COLQ: variants seen among roughly 807,000 people sequenced by gnomAD.
COLQ encodes collagen like tail subunit of asymmetric acetylcholinesterase.
A neutral mutation model predicts 69.0 loss-of-function variants in COLQ; 48 were observed. The observed-to-expected ratio is 0.70, with a 90% CI of 0.55 to 0.88. The LOEUF (loss-of-function observed/expected upper bound fraction) is 0.88, where lower values mean the gene tolerates loss of function less well. Ranked by LOEUF, COLQ falls within the 40% of genes least tolerant of loss-of-function variation. COLQ has a pLI of 0.00. For synonymous variants in COLQ, 217 were observed against 211.2 expected (o/e 1.03, Z -0.24); for missense variants, 618 against 594.6 (o/e 1.04, Z -0.41).
At chr3:15,516,203 G>A (rs543145114) in intron 1 of COLQ, among the ~76,000 whole-genome samples, 1 of 152,320 alleles carries the variant, frequency 6.6e-6, no homozygotes, top group African/African-American at 2.4e-5. Flanking sequence ...GAGATGGCTG[G>A]CAAGTGCATT....
intron 3 of COLQ, among the ~76,000 whole-genome samples, chr3:15,486,062 T>A (rs1318866921): frequency 6.6e-6 from 1 of 152,254 alleles, no homozygotes; most frequent in Non-Finnish European, 1.5e-5. Flanking sequence ...AATGTGTAGA[T>A]AAGTTTGAGA....
intron 1 of COLQ, among the ~76,000 whole-genome samples, 176 bp from the exon 2 acceptor site, chr3:15,489,813 CTTGCCT>C (rs1253870599): frequency 5.9e-5 from 9 of 152,192 alleles, no homozygotes; most frequent in Non-Finnish European, 8.8e-5. Flanking sequence ...TTCCCTTGCC[CTTGCCT>C]TTGCTAGATT....
At chr3:15,497,751 G>C (rs942178279) in intron 1 of COLQ, among the ~76,000 whole-genome samples, 10 of 152,190 alleles carry the variant, frequency 6.6e-5, no homozygotes, top group African/African-American at 2.4e-4. Context: ...CTGTATGGCA[G>C]CTCAGAGTGC....
intron 1 of COLQ, among the ~76,000 whole-genome samples, chr3:15,508,193 G>C (rs772615734): frequency 1.2e-4 from 18 of 151,934 alleles, no homozygotes; most frequent in Non-Finnish European, 2.4e-4. Context: ...AACTTATTCT[G>C]GTGTTTTCCT....
Position 15,456,395 on chromosome 3 carries a change from T to C in COLQ, c.1074+65A>G. ...CAGGCCCAGTGGGGTGGCCTTCCCT[T>C]CCTTTAATGGATGCATCTCTCTCCT... On this transcript the variant is annotated intron_variant, in intron 14 of 16. Coordinates refer to ENST00000383788, the MANE Select transcript of COLQ (RefSeq NM_005677.4). 3.1e-6 allele frequency: 5 copies of C among 1,604,078 alleles called. No individual in the cohort carries two copies. In the South Asian group the frequency reaches 5.5e-5, roughly 18 times the overall value.
At chr3:15,474,369 T>C (rs2062342642) in intron 8 of COLQ, 97 bp from the exon 9 acceptor site, 3 of 1,253,082 alleles carry the variant, frequency 2.4e-6, no homozygotes, top group Admixed American at 1.7e-5. Context: ...AAAACCCTCA[T>C]TTTACAAGTG....
intron 7 of COLQ, 46 bp from the exon 8 acceptor site, chr3:15,474,997 T>C (rs373828306): frequency 6.2e-7 from 1 of 1,602,712 alleles, no homozygotes; most frequent in Non-Finnish European, 8.5e-7. Flanking sequence ...CTGTAGGACT[T>C]CTGAGTTTGG....
chr3:15,467,514 C>T (rs1438237060), intron 11 of COLQ, among the ~76,000 whole-genome samples: 3 of 152,194 alleles, frequency 2.0e-5, no homozygotes, highest in Non-Finnish European at 2.9e-5. Context: ...GTGGCTACAG[C>T]CGTTCCACAT....
At chr3:15,465,969 T>C (rs981883628) in intron 12 of COLQ, among the ~76,000 whole-genome samples, 13 of 152,202 alleles carry the variant, frequency 8.5e-5, no homozygotes, top group African/African-American at 3.1e-4. Context: ...GGAAAAAACC[T>C]GCAATGTCAC....
intron 11 of COLQ, chr3:15,467,876 G>A (rs749026047): frequency 1.8e-4 from 80 of 456,642 alleles, no homozygotes; most frequent in Non-Finnish European, 3.4e-4. Context: ...GGCACTGGGG[G>A]CCGTCTTGGT....
intron 1 of COLQ, among the ~76,000 whole-genome samples, chr3:15,519,388 G>A (rs2063105333): frequency 6.6e-6 from 1 of 152,230 alleles, no homozygotes; most frequent in Admixed American, 6.5e-5. Context: ...TGGGAGGAGA[G>A]AGAAGATGGT....
intron 15 of COLQ, 21 bp from the exon 16 acceptor site, chr3:15,453,952 G>A: frequency 1.3e-6 from 2 of 1,553,830 alleles, no homozygotes; most frequent in South Asian, 1.2e-5. Flanking sequence ...ATAAGGAGGT[G>A]CAGTCTTGAG....
chr3:15,481,008 C>T (rs1389789253), intron 3 of COLQ, among the ~76,000 whole-genome samples: 2 of 152,134 alleles, frequency 1.3e-5, no homozygotes, highest in African/African-American at 4.8e-5. Context: ...TACACTTCAC[C>T]CACTTTTTGA....
intron 1 of COLQ, chr3:15,498,480 C>CACACAA: frequency 2.6e-6 from 4 of 1,545,878 alleles, no homozygotes; most frequent in Non-Finnish European, 2.6e-6. Flanking sequence ...CACACACACA[C>CACACAA]ACACACGTGC....
At chr3:15,489,923 G>C (rs2062636569) in intron 1 of COLQ, among the ~76,000 whole-genome samples, 1 of 152,214 alleles carries the variant, frequency 6.6e-6, no homozygotes, top group Non-Finnish European at 1.5e-5. Flanking sequence ...TCACTTTGTA[G>C]ATGTAGCAGG....
chr3:15,459,717 G>A lies in COLQ; in HGVS notation c.815-1392C>T, dbSNP rs967404006. Among the ~76,000 whole-genome samples, 7 of 151,902 alleles carry A rather than the reference G, an allele frequency of 4.6e-5. No individual in the cohort carries two copies. The East Asian group carries it at 1.4e-3, about 29-fold the overall frequency. ...TGGTCTCGAACTCCTGACCTCAAGT[G>A]ATCCATCTCCCTTGGCCTCCCAAAG... On this transcript the variant is annotated intron_variant, in intron 12 of 16. Coordinates refer to ENST00000383788, the MANE Select transcript of COLQ (RefSeq NM_005677.4).
intron 1 of COLQ, among the ~76,000 whole-genome samples, chr3:15,501,020 T>G (rs2062821968): frequency 6.6e-6 from 1 of 152,218 alleles, no homozygotes; most frequent in South Asian, 2.1e-4. Flanking sequence ...GAAACATCAG[T>G]GGTTCCTAGA....
chr3:15,510,624 T>C (rs906107390), intron 1 of COLQ, among the ~76,000 whole-genome samples: 2 of 151,128 alleles, frequency 1.3e-5, no homozygotes, highest in East Asian at 2.0e-4. Flanking sequence ...GGTGGGAGGA[T>C]CCCTTGAGCC....
At chr3:15,499,016 G>GA in intron 1 of COLQ, 2 of 998,350 alleles carry the variant, frequency 2.0e-6, no homozygotes, top group Non-Finnish European at 1.2e-6. Flanking sequence ...AAGCCTCAAA[G>GA]TCAACCCCCC....
Sources: gnomAD v4.1 joint callset for allele counts (sites outside exome capture counted in the v4.1 genomes callset) on GRCh38, gnomAD v4.1.1 for gene constraint, MANE v1.5 for transcripts, NCBI Gene and HGNC (gene_info 2026-07-23, HGNC 2026-07-21) for gene names.